NCKAP5: variants seen among roughly 807,000 people sequenced by gnomAD.
NCKAP5 encodes nck-associated protein 5.
A neutral mutation model predicts 167.0 loss-of-function variants in NCKAP5; 92 were observed. The ratio of observed to expected loss-of-function variants is 0.55; its 90% CI spans 0.47 to 0.66. The LOEUF (loss-of-function observed/expected upper bound fraction) is 0.66, where lower values mean the gene tolerates loss of function less well. Ranked by LOEUF, NCKAP5 falls within the 30% of genes least tolerant of loss-of-function variation. NCKAP5 has a pLI of 0.00. For missense variants in NCKAP5, 2,378 were observed against 2,315.0 expected, an observed-to-expected ratio of 1.03 and a Z score of -0.56; for synonymous variants, 891 against 877.4, an observed-to-expected ratio of 1.02 and a Z score of -0.27.
At chr2:133,515,424 A>T (rs1447634428) in intron 3 of NCKAP5, among the ~76,000 whole-genome samples, 1 of 152,220 alleles carries the variant, frequency 6.6e-6, no homozygotes, top group Non-Finnish European at 1.5e-5. Flanking sequence ...ATGCAGATGT[A>T]ACACAGTCTG....
At chr2:133,040,968 C>T (rs2079200908) in intron 6 of NCKAP5, among the ~76,000 whole-genome samples, 3 of 152,060 alleles carry the variant, frequency 2.0e-5, no homozygotes, top group Non-Finnish European at 4.4e-5. Context: ...GCTGTTCATT[C>T]GAATTTGGAG....
At chr2:132,730,269 G>C (rs1380218642) in intron 17 of NCKAP5, among the ~76,000 whole-genome samples, 1 of 152,148 alleles carries the variant, frequency 6.6e-6, no homozygotes, top group Admixed American at 6.5e-5. Flanking sequence ...CAAGGCAGGC[G>C]GATCACCTGA....
chr2:133,426,806 G>T (rs1386127742), intron 3 of NCKAP5, among the ~76,000 whole-genome samples: 1 of 152,178 alleles, frequency 6.6e-6, no homozygotes, highest in Non-Finnish European at 1.5e-5. Flanking sequence ...AACTAGATGA[G>T]AGGTATATGG....
chr2:132,936,703 A>G (rs1400476657), intron 8 of NCKAP5, among the ~76,000 whole-genome samples: 1 of 152,216 alleles, frequency 6.6e-6, no homozygotes, highest in East Asian at 1.9e-4. Flanking sequence ...CACATGGAAA[A>G]AAAAGATACA....
chr2:133,313,902 T>C (rs1681425974), intron 3 of NCKAP5, among the ~76,000 whole-genome samples: 1 of 152,136 alleles, frequency 6.6e-6, no homozygotes, highest in Non-Finnish European at 1.5e-5. Flanking sequence ...AATTTGGCCA[T>C]GGAAAGTTCA....
At chr2:132,780,798 T>C (rs777555702) in intron 15 of NCKAP5, among the ~76,000 whole-genome samples, 1 of 152,224 alleles carries the variant, frequency 6.6e-6, no homozygotes, top group African/African-American at 2.4e-5. Context: ...ACTGCGATTA[T>C]ACTCAACGTT....
At position 132,773,826 on chromosome 2, in the gene NCKAP5, G is replaced by T. The variant is rs375815624; in HGVS notation, c.5118C>A (p.Ser1706Arg). 13 of 1,609,304 alleles carry T rather than the reference G, an allele frequency of 8.1e-6. No individual in the cohort carries two copies. Among genetic ancestry groups the T allele is most frequent in the Non-Finnish European group, 1.1e-5 (13 of 1,178,150 alleles). ...DDAVADSVFQ[S>R]HIIESNCQMR... Reference sequence around the variant, plus strand: ...TATGTGAATTTTTACCTATGATGTGGCTCTGAAATACAGAATCTGCAACTG... The same window carrying T: ...TATGTGAATTTTTACCTATGATGTGTCTCTGAAATACAGAATCTGCAACTG... The change falls in exon 16 of 20, where the codon AGC becomes AGA. Residue 1706 changes from serine (S) to arginine (R), a missense_variant. Around this residue, in one of 3 missense-constraint regions of NCKAP5, gnomAD observed 1,325 missense variants for 1,274.5 expected, o/e 1.04. Transcript: ENST00000409261.
chr2:133,616,008 C>T, the NCKAP5 span, among the ~76,000 whole-genome samples: 3 of 149,916 alleles, frequency 2.0e-5, no homozygotes, highest in Non-Finnish European at 4.4e-5. Flanking sequence ...CACTCAAAAC[C>T]GCTCAACTAC....
At chr2:132,794,243 TATATATATATATATATATATAG>T (rs1459393428) in intron 12 of NCKAP5, among the ~76,000 whole-genome samples, 1 of 57,838 alleles carries the variant, frequency 1.7e-5, no homozygotes, top group African/African-American at 6.3e-5. Context: ...TATATATATA[TATATATATATATATATATATAG>T]AGAGAGAGAG....
intron 3 of NCKAP5, among the ~76,000 whole-genome samples, chr2:133,313,194 T>C (rs1319039774): frequency 6.6e-6 from 1 of 152,122 alleles, no homozygotes; most frequent in Non-Finnish European, 1.5e-5. Context: ...CACCAATTTG[T>C]AGTGTGTGCT....
chr2:133,239,423 C>T (rs1039420693), intron 4 of NCKAP5, among the ~76,000 whole-genome samples: 3 of 152,048 alleles, frequency 2.0e-5, no homozygotes, highest in Admixed American at 6.6e-5. Context: ...TACTATATTC[C>T]GTGAAATACC....
chr2:133,653,597 C>T, the NCKAP5 span, among the ~76,000 whole-genome samples: 1 of 152,170 alleles, frequency 6.6e-6, no homozygotes, highest in Non-Finnish European at 1.5e-5. Context: ...TTTAATTCAT[C>T]AGTAAATTCA....
intron 7 of NCKAP5, among the ~76,000 whole-genome samples, chr2:132,974,680 A>G (rs2076927394): frequency 6.6e-6 from 1 of 152,208 alleles, no homozygotes; most frequent in South Asian, 2.1e-4. Flanking sequence ...ATTCTATCTG[A>G]GAATCTGTGA....
chr2:132,965,754 C>A (rs1406723456), intron 7 of NCKAP5, among the ~76,000 whole-genome samples: 1 of 152,052 alleles, frequency 6.6e-6, no homozygotes, highest in Non-Finnish European at 1.5e-5. Context: ...TCCTATATAC[C>A]ATGTTACTGT....
chr2:133,194,250 C>T lies in NCKAP5; in HGVS notation c.207+19466G>A, dbSNP rs1309980971. On this transcript the variant is annotated intron_variant, in intron 5 of 19. Coordinates refer to ENST00000409261, the MANE Select transcript of NCKAP5 (RefSeq NM_207363.3). ...TACCTGAATTAATCACTCACTTAGG[C>T]TGGTGTATTTCAGTTTACACATCAT... Among the ~76,000 whole-genome samples the T allele has an allele frequency of 1.3e-5, 2 of 151,918 alleles. 1 individual carries two copies. Among genetic ancestry groups the T allele is most frequent in the East Asian group, 3.9e-4 (2 of 5,170 alleles).
intron 11 of NCKAP5, among the ~76,000 whole-genome samples, chr2:132,833,315 C>T (rs1407655356): frequency 6.6e-6 from 1 of 152,102 alleles, no homozygotes; most frequent in Non-Finnish European, 1.5e-5. Flanking sequence ...TCCCATTCTG[C>T]AGGTTCTGTT....
intron 5 of NCKAP5, among the ~76,000 whole-genome samples, chr2:133,202,690 AG>A (rs2085752658): frequency 6.6e-6 from 1 of 152,226 alleles, no homozygotes; most frequent in Non-Finnish European, 1.5e-5. Context: ...CAAATTTACA[AG>A]AAAAAAAATC....
intron 16 of NCKAP5, among the ~76,000 whole-genome samples, chr2:132,773,162 G>A (rs1016661485): frequency 2.6e-5 from 4 of 152,164 alleles, no homozygotes; most frequent in Admixed American, 1.3e-4. Flanking sequence ...GTGGCCTGGA[G>A]GAGCTAAAGG....
intron 3 of NCKAP5, among the ~76,000 whole-genome samples, chr2:133,495,962 G>A (rs568952637): frequency 1.4e-4 from 22 of 152,230 alleles, no homozygotes; most frequent in African/African-American, 5.1e-4. Context: ...TTCAAGCCAG[G>A]AGCATGCACA....
Sources: allele counts gnomAD v4.1 joint callset (sites outside exome capture counted in the v4.1 genomes callset), GRCh38; gene constraint gnomAD v4.1.1; regional missense constraint gnomAD v4.1.1; transcripts MANE v1.5; gene names NCBI Gene and HGNC (gene_info 2026-07-23, HGNC 2026-07-21).